CADPS: variants seen among roughly 807,000 people sequenced by gnomAD.
The protein encoded by CADPS is calcium-dependent secretion activator 1.
Under a neutral mutation model 167.3 loss-of-function variants are expected in CADPS, and 57 were observed. The observed-to-expected ratio is 0.34, with a 90% CI of 0.28 to 0.42. The LOEUF is 0.42. CADPS is among the 20% of genes least tolerant of loss of function. CADPS has a pLI of 1.00. For missense variants in CADPS, 1,414 were observed against 1,738.1 expected, an observed-to-expected ratio of 0.81 and a Z score of 3.32; for synonymous variants, 676 against 635.3, an observed-to-expected ratio of 1.06 and a Z score of -0.96.
intron 1 of CADPS, among the ~76,000 whole-genome samples, chr3:62,869,511 A>G (rs933855925): frequency 2.0e-5 from 3 of 152,166 alleles, no homozygotes; most frequent in Admixed American, 1.3e-4. Flanking sequence ...ATTAACTTTT[A>G]AAGACCTAAC....
Position 62,650,904 on chromosome 3 carries a change from G to T in CADPS, c.1146C>A (p.Gly382=), listed in dbSNP as rs74991517. The T allele has an allele frequency of 2.2e-5, 36 of 1,613,862 alleles. No homozygotes were observed. The highest frequency in any genetic ancestry group is 3.1e-5 in the Non-Finnish European group (36 of 1,179,954). ...RSHNASIIDM[G]EESENQLSKS... ...TGGAGAGCTGGTTCTCACTCTCCTC[G>T]CCCATGTCGATGATGGAAGCATTGT... The change falls in exon 5 of 30, where the codon GGC becomes GGA. Residue 382 remains glycine, a synonymous_variant. Coordinates refer to ENST00000383710, the MANE Select transcript of CADPS (RefSeq NM_003716.4).
At chr3:62,784,067 T>C (rs2092114186) in intron 1 of CADPS, among the ~76,000 whole-genome samples, 1 of 152,190 alleles carries the variant, frequency 6.6e-6, no homozygotes, top group South Asian at 2.1e-4. Context: ...GCATGAAATG[T>C]ACATGATGAC....
At chr3:62,517,395 C>G (rs1483707611) in intron 14 of CADPS, among the ~76,000 whole-genome samples, 1 of 152,146 alleles carries the variant, frequency 6.6e-6, no homozygotes, top group Non-Finnish European at 1.5e-5. Context: ...CTTAACCTCT[C>G]TCAGCCTCAC....
chr3:62,731,798 T>A (rs1436425259), intron 3 of CADPS, among the ~76,000 whole-genome samples: 1 of 25,446 alleles, frequency 3.9e-5, no homozygotes, highest in South Asian at 9.9e-4. Flanking sequence ...AAGAAACTGA[T>A]CATATGCAAA....
intron 5 of CADPS, 109 bp from the exon 6 acceptor site, chr3:62,645,952 A>T: frequency 1.6e-6 from 2 of 1,242,050 alleles, no homozygotes; most frequent in Non-Finnish European, 2.3e-6. Flanking sequence ...CAGGTATCTG[A>T]TGGCTTCTGT....
chr3:62,847,261 C>CTTT (rs202175985), intron 1 of CADPS, among the ~76,000 whole-genome samples: 1 of 133,068 alleles, frequency 7.5e-6, no homozygotes, highest in East Asian at 2.2e-4. Flanking sequence ...GCAGCATTTT[C>CTTT]TTTTTTTTTT....
At position 62,840,831 on chromosome 3, in the gene CADPS, G is replaced by A. The variant is rs1200232690; in HGVS notation, c.441+33758C>T. ...CTGACAATTATTCAAATTATTTGGAGAAATCCATTTGGGTCCCAAATGATA... is the reference window on the plus strand; with the variant it reads ...CTGACAATTATTCAAATTATTTGGAAAAATCCATTTGGGTCCCAAATGATA... On this transcript the variant is annotated intron_variant, in intron 1 of 29. Transcript: ENST00000383710. Among the ~76,000 whole-genome samples the A allele has an allele frequency of 2.0e-5, 3 of 152,272 alleles. No individual in the cohort carries two copies. In the East Asian group the frequency reaches 5.8e-4, roughly 29 times the overall value.
chr3:62,677,415 T>A (rs1193850414), intron 3 of CADPS, among the ~76,000 whole-genome samples: 2 of 152,128 alleles, frequency 1.3e-5, no homozygotes, highest in African/African-American at 2.4e-5. Flanking sequence ...TTCTCAGTAG[T>A]TATTACTTGG....
chr3:62,407,966 C>T (rs1022283896), intron 28 of CADPS, among the ~76,000 whole-genome samples: 1 of 152,152 alleles, frequency 6.6e-6, no homozygotes, highest in Non-Finnish European at 1.5e-5. Context: ...AACCCCTGAC[C>T]TCAGGTGATC....
At chr3:62,672,426 C>T in intron 3 of CADPS, among the ~76,000 whole-genome samples, 1 of 152,328 alleles carries the variant, frequency 6.6e-6, no homozygotes, top group South Asian at 2.1e-4. Flanking sequence ...CGTTCCACTT[C>T]CCTTGGTAGT....
intron 3 of CADPS, among the ~76,000 whole-genome samples, chr3:62,709,238 G>A (rs11715431): frequency 0.69 from 105,279 of 151,852 alleles, 37,079 homozygotes; most frequent in East Asian, 0.86. Context: ...ACAAAACCAC[G>A]TTTCTTCATG....
intron 1 of CADPS, among the ~76,000 whole-genome samples, chr3:62,847,256 ATTTTCTTTTTTT>A (rs1274637120): frequency 1.0e-5 from 1 of 96,916 alleles, no homozygotes; most frequent in African/African-American, 3.3e-5. Flanking sequence ...TCCCAGCAGC[ATTTTCTTTTTTT>A]TTTTTTTTTT....
chr3:62,823,822 T>C (rs2073476166), intron 1 of CADPS, among the ~76,000 whole-genome samples: 2 of 152,192 alleles, frequency 1.3e-5, no homozygotes, highest in African/African-American at 4.8e-5. Flanking sequence ...TTCCTGCTGG[T>C]TGCCTTTCCT....
intron 27 of CADPS, among the ~76,000 whole-genome samples, chr3:62,444,820 GA>G (rs1291213020): frequency 6.6e-6 from 1 of 151,988 alleles, no homozygotes. Flanking sequence ...AATCCTTTTA[GA>G]AAAAAACAAA....
At chr3:62,497,224 C>T (rs1438590572) in intron 18 of CADPS, among the ~76,000 whole-genome samples, 1 of 152,098 alleles carries the variant, frequency 6.6e-6, no homozygotes, top group Non-Finnish European at 1.5e-5. Flanking sequence ...CTTTCTTAGC[C>T]CGTAGCAGCC....
chr3:62,496,745 C>T (rs1268455932), intron 18 of CADPS, among the ~76,000 whole-genome samples: 2 of 152,198 alleles, frequency 1.3e-5, no homozygotes, highest in African/African-American at 4.8e-5. Context: ...AGCCTAAACT[C>T]CTGGACACCC....
chr3:62,428,248 G>GT (rs1263811928), intron 28 of CADPS, among the ~76,000 whole-genome samples: 7 of 135,400 alleles, frequency 5.2e-5, no homozygotes, highest in African/African-American at 2.0e-4. Flanking sequence ...TTCTTTTCAG[G>GT]TTTTTGGACA....
intron 6 of CADPS, among the ~76,000 whole-genome samples, chr3:62,599,705 T>TTGTA (rs2059488550): frequency 7.4e-5 from 2 of 26,962 alleles, no homozygotes; most frequent in Non-Finnish European, 1.2e-4. Flanking sequence ...AATATATATA[T>TTGTA]TATATAATAT....
chr3:62,773,959 A>T (rs1316114604), intron 1 of CADPS, among the ~76,000 whole-genome samples: 1 of 152,154 alleles, frequency 6.6e-6, no homozygotes, highest in Non-Finnish European at 1.5e-5. Context: ...AAGAATAAAG[A>T]CCTATAAATT....
Sources: gnomAD v4.1 joint callset for allele counts (sites outside exome capture counted in the v4.1 genomes callset) on GRCh38, gnomAD v4.1.1 for gene constraint, MANE v1.5 for transcripts, NCBI Gene and HGNC (gene_info 2026-07-23, HGNC 2026-07-21) for gene names.